The following CDH9 variants were observed in gnomAD, a reference collection of about 807,000 sequenced individuals.
CDH9 encodes cadherin 9.
In CDH9, 28 loss-of-function variants were observed where a neutral mutation model predicts 70.9. The observed-to-expected ratio is 0.40, with a 90% CI of 0.29 to 0.54. The LOEUF (loss-of-function observed/expected upper bound fraction) is 0.54. Ranked by LOEUF, CDH9 falls within the 20% of genes least tolerant of loss-of-function variation. The pLI is 0.59. For synonymous variants in CDH9, 409 were observed against 343.1 expected, an observed-to-expected ratio of 1.19 and a Z score of -2.12; for missense variants, 874 against 984.4, an observed-to-expected ratio of 0.89 and a Z score of 1.50.
At chr5:26,996,835 G>A (rs1742674654) in intron 1 of CDH9, among the ~76,000 whole-genome samples, 1 of 151,554 alleles carries the variant, frequency 6.6e-6, no homozygotes, top group South Asian at 2.1e-4. Flanking sequence ...AGAACTCTGT[G>A]CCCAAGTGCT....
At chr5:27,001,031 G>T (rs1389031618) in intron 1 of CDH9, among the ~76,000 whole-genome samples, 2 of 151,950 alleles carry the variant, frequency 1.3e-5, no homozygotes, top group African/African-American at 4.8e-5. Flanking sequence ...ATACTGCAAT[G>T]GTAGATACAT....
chr5:26,985,013 A>C (rs1023773215), intron 2 of CDH9, among the ~76,000 whole-genome samples: 1 of 152,112 alleles, frequency 6.6e-6, no homozygotes, highest in African/African-American at 2.4e-5. Context: ...CCATCCTGAC[A>C]ATGAAAGAAA....
At chr5:27,024,749 T>G (rs911607778) in intron 1 of CDH9, among the ~76,000 whole-genome samples, 1 of 152,106 alleles carries the variant, frequency 6.6e-6, no homozygotes. Context: ...TGATACGACA[T>G]TGAAACTTAT....
At chr5:26,980,509 C>T (rs1742382206) in intron 2 of CDH9, among the ~76,000 whole-genome samples, 1 of 151,830 alleles carries the variant, frequency 6.6e-6, no homozygotes, top group South Asian at 2.1e-4. Context: ...GGCATTTTTT[C>T]CATAAACACC....
chr5:26,906,350 A>AT (rs1375863870), intron 4 of CDH9, among the ~76,000 whole-genome samples: 3 of 152,106 alleles, frequency 2.0e-5, no homozygotes, highest in Non-Finnish European at 4.4e-5. Context: ...AATGTATTTA[A>AT]TTTTTTTGAT....
intron 1 of CDH9, among the ~76,000 whole-genome samples, chr5:27,029,969 A>G (rs1743283465): frequency 6.6e-6 from 1 of 152,010 alleles, no homozygotes; most frequent in Admixed American, 6.6e-5. Context: ...AGAAAGTATA[A>G]AAACATTTTG....
At position 27,011,503 on chromosome 5, in the gene CDH9, T is replaced by C. The variant is rs537741951; in HGVS notation, c.-49-23121A>G. Among the ~76,000 whole-genome samples the C allele has an allele frequency of 6.6e-5, 10 of 152,166 alleles. No homozygotes were observed. The South Asian group carries it at 2.1e-3, about 32-fold the overall frequency. On this transcript the variant is annotated intron_variant, in intron 1 of 11. Coordinates refer to ENST00000231021, the MANE Select transcript of CDH9 (RefSeq NM_016279.4). ...AGACAAAGAAAGATGCTACAATCTTTGGAGGGACTATGGCCCTATCAACAC... is the reference window on the plus strand; with the variant it reads ...AGACAAAGAAAGATGCTACAATCTTCGGAGGGACTATGGCCCTATCAACAC...
At chr5:26,947,041 A>T (rs894170033) in intron 2 of CDH9, among the ~76,000 whole-genome samples, 20 of 152,136 alleles carry the variant, frequency 1.3e-4, no homozygotes, top group African/African-American at 4.6e-4. Context: ...ATTGTTATGG[A>T]TATTATTATG....
At chr5:26,940,669 C>A (rs1388001417) in intron 2 of CDH9, among the ~76,000 whole-genome samples, 2 of 152,066 alleles carry the variant, frequency 1.3e-5, no homozygotes, top group African/African-American at 2.4e-5. Flanking sequence ...TTCTTCTTTT[C>A]AGACACTAAC....
rs535746941 is a variant in CDH9 at position 26,889,712 on chromosome 5, A to G, written c.1512+124T>C. On this transcript the variant is annotated intron_variant, in intron 9 of 11. Transcript: ENST00000231021. ...ACTGTGAGTTCTTTGTTAAGGATAA[A>G]TGGTGGACAAGAAGTATTGACAACA... The G allele has an allele frequency of 2.6e-5, 15 of 581,274 alleles. No individual in the cohort carries two copies. The South Asian group carries it at 3.2e-4, about 12-fold the overall frequency. The allele number at this position is 581,274 out of a possible 1,614,324, so 36.0% of individuals were successfully genotyped here.
chr5:26,941,593 G>A (rs1741662905), intron 2 of CDH9, among the ~76,000 whole-genome samples: 1 of 152,126 alleles, frequency 6.6e-6, no homozygotes, highest in South Asian at 2.1e-4. Context: ...ATTATGTTGA[G>A]GACAAGTCCC....
chr5:27,018,269 G>A (rs1351265358), intron 1 of CDH9, among the ~76,000 whole-genome samples: 2 of 151,596 alleles, frequency 1.3e-5, no homozygotes, highest in Admixed American at 6.6e-5. Flanking sequence ...TTCACATATT[G>A]TATATAGAAT....
At chr5:26,948,495 C>T (rs542563534) in intron 2 of CDH9, among the ~76,000 whole-genome samples, 64 of 152,334 alleles carry the variant, frequency 4.2e-4, no homozygotes, top group African/African-American at 1.5e-3. Flanking sequence ...ACTGCTAACT[C>T]TATGGGTTAC....
At chr5:26,957,429 A>G (rs958792530) in intron 2 of CDH9, among the ~76,000 whole-genome samples, 1 of 152,166 alleles carries the variant, frequency 6.6e-6, no homozygotes, top group Non-Finnish European at 1.5e-5. Flanking sequence ...TGGGAGGCCA[A>G]GGCGGGCAGA....
At chr5:26,975,076 G>T (rs866678537) in intron 2 of CDH9, among the ~76,000 whole-genome samples, 10 of 152,178 alleles carry the variant, frequency 6.6e-5, no homozygotes, top group Middle Eastern at 3.4e-3. Flanking sequence ...TATGACCTTT[G>T]ACATCTGCCC....
intron 1 of CDH9, among the ~76,000 whole-genome samples, chr5:26,995,776 T>G (rs781667087): frequency 6.6e-6 from 1 of 152,140 alleles, no homozygotes; most frequent in Non-Finnish European, 1.5e-5. Flanking sequence ...TTTGTCAGCA[T>G]TAAATGCTTT....
At chr5:26,998,279 C>G (rs1742701767) in intron 1 of CDH9, among the ~76,000 whole-genome samples, 1 of 152,116 alleles carries the variant, frequency 6.6e-6, no homozygotes, top group African/African-American at 2.4e-5. Flanking sequence ...CCTATTCACT[C>G]TGATGTTTAC....
chr5:26,969,061 T>A (rs1191034352), intron 2 of CDH9, among the ~76,000 whole-genome samples: 2 of 152,164 alleles, frequency 1.3e-5, no homozygotes, highest in Non-Finnish European at 2.9e-5. Flanking sequence ...AGAAAGATCC[T>A]CATATCATTT....
intron 2 of CDH9, among the ~76,000 whole-genome samples, chr5:26,971,599 T>A (rs1742219136): frequency 1.3e-5 from 2 of 152,212 alleles, no homozygotes; most frequent in Admixed American, 6.5e-5. Context: ...TTAGGATATT[T>A]GCTTCTGAAG....
Sources: gnomAD v4.1 joint callset for allele counts (sites outside exome capture counted in the v4.1 genomes callset) on GRCh38, gnomAD v4.1.1 for gene constraint, MANE v1.5 for transcripts, NCBI Gene and HGNC (gene_info 2026-07-23, HGNC 2026-07-21) for gene names.